Variants in TG observed in about 807,000 individuals in gnomAD.
TG encodes the protein thyroid hormones.
A neutral mutation model predicts 324.7 loss-of-function variants in TG; 270 were observed. The ratio of observed to expected loss-of-function variants is 0.83; its 90% CI spans 0.75 to 0.92. TG has a LOEUF of 0.92. TG is among the 40% of genes least tolerant of loss of function. TG has a pLI of 0.00. For missense variants in TG, 3,591 were observed against 3,456.4 expected, an observed-to-expected ratio of 1.04 and a Z score of -0.98; for synonymous variants, 1,401 against 1,327.0, an observed-to-expected ratio of 1.06 and a Z score of -1.21.
rs746023979 is a variant in TG, at chr8:132,882,589, C to T, written c.866C>T (p.Ser289Leu). The T allele has an allele frequency of 6.2e-7, 1 of 1,614,250 alleles. No homozygotes were observed. Among genetic ancestry groups the T allele is most frequent in the Non-Finnish European group, 8.5e-7 (1 of 1,180,046 alleles). Residue 289 changes from serine (S) to leucine (L), a missense_variant, in exon 7 of 48, where the codon TCA becomes TTA. Transcript: ENST00000220616. ...CAGAGACGGTTCCTCGCAGTTCAAT[C>T]AGTCATCTCTGGCAGATTCCGATGT... ...ILQRRFLAVQSVISGRFRCPT... is the reference protein window; with the variant it reads ...ILQRRFLAVQLVISGRFRCPT...
At position 132,886,893 on chromosome 8, in the gene TG, A is replaced by G. The variant is rs754849234; in HGVS notation, c.1521A>G (p.Ala507=). 7.4e-6 allele frequency: 12 copies of G among 1,614,172 alleles called. No individual in the cohort carries two copies. The highest frequency in any genetic ancestry group is 3.3e-5 in the Admixed American group (2 of 60,028). The change falls in exon 9 of 48, where the codon GCA becomes GCG. Residue 507 remains alanine, a synonymous_variant. Coordinates refer to ENST00000220616, the MANE Select transcript of TG (RefSeq NM_003235.5). ...AATTTTTCCAGCAACTTGGTCTTGC[A>G]AGCTTCTTGAATGGAGGGAGACAAG... The part of the protein sequence containing the change: ...FSQFFQQLGL[A]SFLNGGRQED...
chr8:132,984,161 C>T lies in TG; in HGVS notation c.6262+749C>T, dbSNP rs1016299775. Among the ~76,000 whole-genome samples, 10 of 152,314 alleles carry T rather than the reference C, an allele frequency of 6.6e-5. No individual in the cohort carries two copies. In the East Asian group the frequency reaches 1.4e-3, roughly 21 times the overall value. ...CACGCTGCTCAGCCAAGAGGCCAAG[C>T]GATGTTAATTCCTGTCCTGTGACAT... On this transcript the variant is annotated intron_variant, in intron 35 of 47. Coordinates refer to ENST00000220616, the MANE Select transcript of TG (RefSeq NM_003235.5).
intron 22 of TG, among the ~76,000 whole-genome samples, chr8:132,924,369 G>A (rs1821529088): frequency 6.6e-6 from 1 of 152,190 alleles, no homozygotes; most frequent in African/African-American, 2.4e-5. Flanking sequence ...CTATGGCCCA[G>A]GGGTTGGGGA....
intron 31 of TG, 142 bp from the exon 32 acceptor site, chr8:132,969,316 A>C: frequency 1.5e-6 from 1 of 665,454 alleles, no homozygotes; most frequent in African/African-American, 1.8e-5. Context: ...GTGAGATTTG[A>C]GTTAGGAAAT....
intron 35 of TG, among the ~76,000 whole-genome samples, chr8:133,005,259 A>G (rs1833920785): frequency 6.6e-6 from 1 of 152,158 alleles, no homozygotes; most frequent in Non-Finnish European, 1.5e-5. Flanking sequence ...CCTGGGCAGG[A>G]AGCAAGCTGC....
chr8:133,122,667 G>A (rs1851230677), intron 45 of TG, among the ~76,000 whole-genome samples: 1 of 152,158 alleles, frequency 6.6e-6, no homozygotes, highest in Non-Finnish European at 1.5e-5. Flanking sequence ...GCTGTGGGAG[G>A]GTTTGGGGGA....
At chr8:132,905,569 G>C (rs900733232) in intron 16 of TG, among the ~76,000 whole-genome samples, 1 of 152,144 alleles carries the variant, frequency 6.6e-6, no homozygotes, top group African/African-American at 2.4e-5. Context: ...AAATTGTCAC[G>C]ATGAGTGTGT....
chr8:132,979,448 C>T (rs181073762), intron 34 of TG, among the ~76,000 whole-genome samples: 7 of 152,310 alleles, frequency 4.6e-5, no homozygotes, highest in Non-Finnish European at 7.4e-5. Context: ...ACAAGCTCTT[C>T]TAATTATGTG....
At chr8:132,876,878 AAT>A (rs1813880453) in intron 5 of TG, among the ~76,000 whole-genome samples, 1 of 152,224 alleles carries the variant, frequency 6.6e-6, no homozygotes, top group Admixed American at 6.5e-5. Context: ...CCTTGTCCTT[AAT>A]GACTAAACAC....
chr8:133,104,682 T>G (rs1849637554), intron 43 of TG, among the ~76,000 whole-genome samples: 2 of 152,134 alleles, frequency 1.3e-5, no homozygotes, highest in South Asian at 4.1e-4. Flanking sequence ...GGGCAGAGAT[T>G]GGGCTCTTGT....
chr8:133,032,010 C>G (rs1211468871), intron 41 of TG, among the ~76,000 whole-genome samples: 1 of 152,156 alleles, frequency 6.6e-6, no homozygotes, highest in African/African-American at 2.4e-5. Context: ...TGCTGCCTCA[C>G]AAGACTGCTA....
At chr8:132,963,210 T>C in intron 29 of TG, 136 bp downstream of exon 29, 1 of 883,836 alleles carries the variant, frequency 1.1e-6, no homozygotes, top group South Asian at 1.4e-5. Flanking sequence ...TTTAATCTTT[T>C]AACCCAATTA....
intron 41 of TG, among the ~76,000 whole-genome samples, chr8:133,052,084 T>G (rs1406460076): frequency 1.3e-5 from 2 of 152,132 alleles, no homozygotes; most frequent in Admixed American, 1.3e-4. Context: ...CATGTGGGCT[T>G]TGGGGCCCAA....
At chr8:132,869,688 GGGCCC>G in intron 2 of TG, 36 bp from the exon 3 acceptor site, 1 of 1,557,288 alleles carries the variant, frequency 6.4e-7, no homozygotes, top group Non-Finnish European at 8.9e-7. Flanking sequence ...GTGGCTTTGG[GGGCCC>G]ATCCCAGGGT....
At chr8:132,869,463 G>T (rs1232951003) in intron 2 of TG, among the ~76,000 whole-genome samples, 2 of 152,210 alleles carry the variant, frequency 1.3e-5, no homozygotes, top group South Asian at 2.1e-4. Flanking sequence ...GCACTCCAGG[G>T]TGGGTCACTT....
intron 40 of TG, among the ~76,000 whole-genome samples, chr8:133,025,366 CT>C (rs1374231657): frequency 2.6e-5 from 4 of 152,324 alleles, no homozygotes; most frequent in African/African-American, 9.6e-5. Context: ...CCCAATAAGC[CT>C]GCGACACTGG....
In TG at chr8:133,123,389, G is replaced by T. The variant is rs1851287267; in HGVS notation, c.7862+6673G>T. 2.0e-5 allele frequency among the ~76,000 whole-genome samples: 3 copies of T among 152,198 alleles called. No homozygotes were observed. In the South Asian group the frequency reaches 6.2e-4, roughly 32 times the overall value. ...GGCCAACAGGCCTTCAGGTTCACAT[G>T]CAGAGGGGCTCTGGCCTGCTGTCTC... On this transcript the variant is annotated intron_variant, in intron 45 of 47. Transcript: ENST00000220616.
chr8:133,045,142 G>A (rs768592921), intron 41 of TG: 14 of 1,612,998 alleles, frequency 8.7e-6, no homozygotes, highest in Non-Finnish European at 1.2e-5. Flanking sequence ...ATAAGTCAGT[G>A]GGCTCCACCT....
chr8:132,960,402 G>C (rs1827564951), intron 27 of TG, among the ~76,000 whole-genome samples: 1 of 152,148 alleles, frequency 6.6e-6, no homozygotes, highest in Non-Finnish European at 1.5e-5. Flanking sequence ...ACTGAAGACT[G>C]AGCAGGGGCA....
Sources: allele counts gnomAD v4.1 joint callset (sites outside exome capture counted in the v4.1 genomes callset), GRCh38; gene constraint gnomAD v4.1.1; transcripts MANE v1.5; gene names NCBI Gene and HGNC (gene_info 2026-07-23, HGNC 2026-07-21).